Variants in FBXL17 observed in about 807,000 individuals in gnomAD.
FBXL17 encodes the protein F-box/LRR-repeat protein 17.
Under a neutral mutation model 66.2 loss-of-function variants are expected in FBXL17, and 22 were observed. The observed-to-expected ratio is 0.33, with a 90% CI of 0.24 to 0.47. FBXL17 has a LOEUF of 0.47. FBXL17 is among the 20% of genes least tolerant of loss of function. The pLI is 1.00. For missense variants in FBXL17, 878 were observed against 948.2 expected (o/e 0.93, Z 0.97); for synonymous variants, 474 against 400.5 (o/e 1.18, Z -2.19).
chr5:107,941,677 C>T (rs539106555), intron 7 of FBXL17, among the ~76,000 whole-genome samples: 1 of 152,154 alleles, frequency 6.6e-6, no homozygotes, highest in Admixed American at 6.5e-5. Context: ...AATCCTGATC[C>T]CACGTTAGAG....
intron 7 of FBXL17, among the ~76,000 whole-genome samples, chr5:107,951,076 C>T (rs1234643289): frequency 1.3e-5 from 2 of 152,154 alleles, no homozygotes; most frequent in Non-Finnish European, 2.9e-5. Flanking sequence ...GTGAGCTGAG[C>T]ACAGTTGCTG....
At chr5:108,136,220 C>A (rs769245816) in intron 6 of FBXL17, among the ~76,000 whole-genome samples, 2 of 151,994 alleles carry the variant, frequency 1.3e-5, no homozygotes, top group African/African-American at 4.8e-5. Context: ...TATTTATGAG[C>A]CTAACTCTTT....
At chr5:108,107,313 C>T (rs575461330) in intron 6 of FBXL17, among the ~76,000 whole-genome samples, 2 of 152,214 alleles carry the variant, frequency 1.3e-5, no homozygotes, top group South Asian at 4.1e-4. Context: ...CTCAGGTGAT[C>T]CACCCACCTT....
At chr5:107,878,091 T>C (rs1748666526) in intron 8 of FBXL17, 1 of 259,444 alleles carries the variant, frequency 3.9e-6, no homozygotes, top group Non-Finnish European at 6.0e-6. Flanking sequence ...TACCAAATAC[T>C]AAGTGTCCTA....
intron 6 of FBXL17, among the ~76,000 whole-genome samples, chr5:108,171,049 T>G (rs1021540551): frequency 6.6e-6 from 1 of 152,172 alleles, no homozygotes; most frequent in African/African-American, 2.4e-5. Context: ...TTTATATATT[T>G]TAAAATTTGT....
chr5:107,885,814 T>C (rs1580682020), intron 7 of FBXL17, among the ~76,000 whole-genome samples: 1 of 151,648 alleles, frequency 6.6e-6, no homozygotes, highest in East Asian at 1.9e-4. Flanking sequence ...TGGTAAAAAA[T>C]AAAGAAGCAG....
chr5:108,262,040 CA>C (rs1488200450), intron 4 of FBXL17, among the ~76,000 whole-genome samples: 1 of 150,640 alleles, frequency 6.6e-6, no homozygotes, highest in Non-Finnish European at 1.5e-5. Flanking sequence ...AGGGAGAATA[CA>C]AAGTGATACA....
chr5:108,367,721 AG>A, intron 2 of FBXL17, 109 bp downstream of exon 2: 1 of 910,362 alleles, frequency 1.1e-6, no homozygotes, highest in Non-Finnish European at 1.5e-6. Flanking sequence ...TGTAGATTAC[AG>A]TGATTTGAAC....
intron 5 of FBXL17, among the ~76,000 whole-genome samples, chr5:108,219,697 T>TA (rs375143772): frequency 1.1e-4 from 17 of 150,572 alleles, no homozygotes; most frequent in Non-Finnish European, 1.6e-4. Flanking sequence ...AAATTAAAAT[T>TA]AAAAAAAAAG....
At chr5:107,998,033 T>C (rs1363884349) in intron 7 of FBXL17, among the ~76,000 whole-genome samples, 2 of 152,222 alleles carry the variant, frequency 1.3e-5, no homozygotes, top group South Asian at 2.1e-4. Context: ...GAAACATAGA[T>C]AGTCCAAATT....
chr5:108,043,302 C>T (rs1424462698), intron 6 of FBXL17, among the ~76,000 whole-genome samples: 2 of 152,052 alleles, frequency 1.3e-5, no homozygotes, highest in Non-Finnish European at 2.9e-5. Context: ...ACATGCCTAG[C>T]CCTAGACCCT....
At chr5:108,288,257 C>A (rs1382782108) in intron 4 of FBXL17, among the ~76,000 whole-genome samples, 2 of 151,044 alleles carry the variant, frequency 1.3e-5, no homozygotes, top group East Asian at 3.9e-4. Context: ...GTACCCCGAG[C>A]CTAAAATAAA....
chr5:108,339,092 G>C (rs1561538213), intron 4 of FBXL17, among the ~76,000 whole-genome samples: 1 of 152,072 alleles, frequency 6.6e-6, no homozygotes, highest in Non-Finnish European at 1.5e-5. Flanking sequence ...TTCAACTACA[G>C]TTTGTAAACT....
chr5:108,351,602 G>C (rs1483972346), intron 3 of FBXL17, among the ~76,000 whole-genome samples: 2 of 152,278 alleles, frequency 1.3e-5, no homozygotes, highest in South Asian at 2.1e-4. Context: ...CCAAACTCCA[G>C]AGTCAGGTTA....
At chr5:108,030,088 C>A (rs1754979412) in intron 6 of FBXL17, among the ~76,000 whole-genome samples, 1 of 152,138 alleles carries the variant, frequency 6.6e-6, no homozygotes, top group South Asian at 2.1e-4. Context: ...GAACTCTTAA[C>A]AAATATATTT....
rs925920061 is a variant in FBXL17, at chr5:107,879,886, T to G, written c.1965+1151A>C. The G allele has an allele frequency of 4.6e-5, 45 of 985,454 alleles. No homozygotes were observed. In the African/African-American group the frequency reaches 7.3e-4, roughly 16 times the overall value. The allele number at this position is 985,454 out of a possible 1,614,324, so 61.0% of individuals were successfully genotyped here. A position where few individuals can be genotyped will look rare whatever the true frequency, so the allele number is the denominator to read the frequency against. On this transcript the variant is annotated intron_variant, in intron 8 of 8. Transcript: ENST00000542267. ...CCTGGGTTGTGCCAGCAGCACTGGA[T>G]ACAGACTCCAAAGACCCGGCATGAA...
intron 4 of FBXL17, among the ~76,000 whole-genome samples, chr5:108,326,670 T>C (rs1279291653): frequency 2.0e-5 from 3 of 152,026 alleles, no homozygotes; most frequent in African/African-American, 7.2e-5. Context: ...GAAAGCCTAA[T>C]ACATATGTTA....
chr5:108,174,674 GTAC>G (rs1752725453), intron 6 of FBXL17, among the ~76,000 whole-genome samples: 1 of 140,480 alleles, frequency 7.1e-6, no homozygotes, highest in Non-Finnish European at 1.5e-5. Flanking sequence ...GCACTTAAAA[GTAC>G]TACAAGAAGA....
chr5:108,227,214 T>C (rs1755138503), intron 4 of FBXL17, among the ~76,000 whole-genome samples: 1 of 152,132 alleles, frequency 6.6e-6, no homozygotes, highest in African/African-American at 2.4e-5. Flanking sequence ...AGCCCCCAAG[T>C]GACTCTTAAG....
Sources: allele counts gnomAD v4.1 joint callset (sites outside exome capture counted in the v4.1 genomes callset), GRCh38; gene constraint gnomAD v4.1.1; transcripts MANE v1.5; gene names NCBI Gene and HGNC (gene_info 2026-07-23, HGNC 2026-07-21).